The following PPP2R2C variants were observed in gnomAD, a reference collection of about 807,000 sequenced individuals.
PPP2R2C encodes the protein protein phosphatase 2 regulatory subunit Bgamma, also known as protein phosphatase 2, regulatory subunit B, gamma.
Under a neutral mutation model 45.3 loss-of-function variants are expected in PPP2R2C, and 10 were observed. That is an observed-to-expected ratio of 0.22 (90% CI 0.14 to 0.37). The LOEUF (loss-of-function observed/expected upper bound fraction) is 0.37, where lower values mean the gene tolerates loss of function less well. PPP2R2C is among the 10% of genes least tolerant of loss of function. The probability of loss-of-function intolerance (pLI) is 1.00; values close to 1 mark genes in which losing one functional copy is unlikely to be tolerated. For missense variants in PPP2R2C, 308 were observed against 619.7 expected, an observed-to-expected ratio of 0.50 and a Z score of 5.34; for synonymous variants, 257 against 245.4, an observed-to-expected ratio of 1.05 and a Z score of -0.44.
chr4:6,361,684 A>G (rs1412741122), intron 5 of PPP2R2C, among the ~76,000 whole-genome samples: 2 of 152,210 alleles, frequency 1.3e-5, no homozygotes, highest in African/African-American at 4.8e-5. Flanking sequence ...ACCCCCTGGG[A>G]GGACTAGGAG....
At chr4:6,420,139 C>G (rs1372185501) in intron 1 of PPP2R2C, among the ~76,000 whole-genome samples, 1 of 152,130 alleles carries the variant, frequency 6.6e-6, no homozygotes, top group Non-Finnish European at 1.5e-5. Context: ...GTGTATGTCT[C>G]TCTCAGTCAC....
chr4:6,421,127 G>A, intron 1 of PPP2R2C: 1 of 985,208 alleles, frequency 1.0e-6, no homozygotes. Context: ...ATGCAGGTAT[G>A]AGCCCTAGGC....
In PPP2R2C at chr4:6,329,658, A is replaced by G. The variant is rs893259904; in HGVS notation, c.961-305T>C. 6.8e-6 allele frequency among the ~76,000 whole-genome samples: 1 copy of G among 147,096 alleles called. No homozygotes were observed. The highest frequency in any genetic ancestry group is 1.5e-5 in the Non-Finnish European group (1 of 67,834). On this transcript the variant is annotated intron_variant, in intron 7 of 8. Coordinates refer to ENST00000382599, the MANE Select transcript of PPP2R2C (RefSeq NM_020416.4). This position sits in a 1 kb window ranked among gnomAD's most constrained non-coding sequence, Gnocchi z 5.8. ...CTGACCTCCACCGTGACACAGCCCA[A>G]TACAGCCCTGCTCATCTTATCGGGG...
chr4:6,554,943 GAA>G (rs1553909478), intron 1 of PPP2R2C, among the ~76,000 whole-genome samples: 23 of 114,504 alleles, frequency 2.0e-4, no homozygotes, highest in African/African-American at 6.5e-4. Flanking sequence ...AAGAAAGAAA[GAA>G]AGAAAGAAAG....
At chr4:6,426,272 C>A (rs142943146) in intron 1 of PPP2R2C, among the ~76,000 whole-genome samples, 2 of 152,168 alleles carry the variant, frequency 1.3e-5, no homozygotes, top group Non-Finnish European at 2.9e-5. Context: ...GGGAGGCGGT[C>A]GGAGACGGCC....
chr4:6,407,004 G>A (rs868559268), intron 1 of PPP2R2C, among the ~76,000 whole-genome samples: 3 of 152,200 alleles, frequency 2.0e-5, no homozygotes, highest in Middle Eastern at 6.8e-3. Flanking sequence ...TGTAAAAACC[G>A]AAGCAGAACT....
At chr4:6,381,494 T>A in intron 1 of PPP2R2C, 1 of 1,374,678 alleles carries the variant, frequency 7.3e-7, no homozygotes, top group Non-Finnish European at 9.4e-7. Context: ...GCAACCTGGG[T>A]CAGGGAAGCC....
At chr4:6,326,807 C>T (rs1173260028) in intron 8 of PPP2R2C, among the ~76,000 whole-genome samples, 1 of 152,206 alleles carries the variant, frequency 6.6e-6, no homozygotes, top group Non-Finnish European at 1.5e-5. Context: ...TCTGCCGGTG[C>T]TAGGAAGCCC....
intron 1 of PPP2R2C, among the ~76,000 whole-genome samples, chr4:6,539,852 T>A (rs1227783536): frequency 6.6e-6 from 1 of 151,966 alleles, no homozygotes; most frequent in Non-Finnish European, 1.5e-5. Context: ...AGAAACTAGA[T>A]CTCCCCAAGC....
At position 6,328,636 on chromosome 4, in the gene PPP2R2C, C is replaced by A. The variant is rs1186877367; in HGVS notation, c.1052+626G>T. On this transcript the variant is annotated intron_variant, in intron 8 of 8. Transcript: ENST00000382599. The surrounding 1 kb of genome is among the most constrained non-coding windows in gnomAD (Gnocchi z 4.4). ...CCCCCTTGTCCATGCCCGCCCTGGGCTGAGCCCAGGCTAGGGAGACACAGG... is the reference window on the plus strand; with the variant it reads ...CCCCCTTGTCCATGCCCGCCCTGGGATGAGCCCAGGCTAGGGAGACACAGG... Among the ~76,000 whole-genome samples the A allele has an allele frequency of 6.6e-6, 1 of 152,214 alleles. No homozygotes were observed. Among genetic ancestry groups the A allele is most frequent in the African/African-American group, 2.4e-5 (1 of 41,476 alleles).
At chr4:6,525,310 C>A (rs999830070) in intron 2 of PPP2R2C, among the ~76,000 whole-genome samples, 1 of 152,080 alleles carries the variant, frequency 6.6e-6, no homozygotes, top group Non-Finnish European at 1.5e-5. Context: ...GAGGCTGAGG[C>A]AGGAGAATCT....
In PPP2R2C at chr4:6,387,710, G is replaced by T. The variant is rs368326206; in HGVS notation, c.71-6616C>A. Among the ~76,000 whole-genome samples the T allele has an allele frequency of 5.9e-5, 9 of 152,126 alleles. No homozygotes were observed. In the East Asian group the frequency reaches 9.7e-4, roughly 16 times the overall value. On this transcript the variant is annotated intron_variant, in intron 1 of 8. Transcript: ENST00000382599. ...CGCCTGTAATCCCAGCTATCTGGGA[G>T]GCTGAGGCAGGAGAATTGCTTGAAC...
chr4:6,327,793 C>T (rs558774117), intron 8 of PPP2R2C, among the ~76,000 whole-genome samples: 1 of 152,284 alleles, frequency 6.6e-6, no homozygotes, highest in Admixed American at 6.5e-5. Context: ...CCTGTGATCA[C>T]CATGCCAGCC....
intron 2 of PPP2R2C, among the ~76,000 whole-genome samples, chr4:6,490,948 G>C (rs1311939936): frequency 6.6e-6 from 1 of 152,202 alleles, no homozygotes; most frequent in African/African-American, 2.4e-5. Context: ...CACATGAGCA[G>C]TGGATAAGAC....
At chr4:6,407,781 G>A (rs1048194774) in intron 1 of PPP2R2C, among the ~76,000 whole-genome samples, 2 of 152,146 alleles carry the variant, frequency 1.3e-5, no homozygotes, top group African/African-American at 2.4e-5. Flanking sequence ...TGAGGAAAAT[G>A]GATTCAAAAA....
intron 4 of PPP2R2C, among the ~76,000 whole-genome samples, chr4:6,374,722 G>A (rs1322836788): frequency 6.6e-6 from 1 of 152,174 alleles, no homozygotes; most frequent in Admixed American, 6.5e-5. Context: ...CTTGGGGGCT[G>A]GGGACACTTT....
intron 1 of PPP2R2C, among the ~76,000 whole-genome samples, chr4:6,550,676 C>T (rs997656934): frequency 2.0e-5 from 3 of 152,268 alleles, no homozygotes; most frequent in East Asian, 3.9e-4. Context: ...CTTGTTTGTT[C>T]CCCAGGCTGG....
chr4:6,509,475 C>CAAA (rs71646649), intron 2 of PPP2R2C, among the ~76,000 whole-genome samples: 2 of 148,332 alleles, frequency 1.3e-5, no homozygotes, highest in African/African-American at 4.9e-5. Flanking sequence ...GAGCCTCTGG[C>CAAA]AAAAAAAAAA....
upstream of PPP2R2C, among the ~76,000 whole-genome samples, chr4:6,474,570 C>T (rs2108773771): frequency 6.6e-6 from 1 of 152,292 alleles, no homozygotes; most frequent in South Asian, 2.1e-4. Context: ...CCCGGGATGT[C>T]CTGGACTACA....
Sources: gnomAD v4.1 joint callset for allele counts (sites outside exome capture counted in the v4.1 genomes callset) on GRCh38, gnomAD v4.1.1 for gene constraint, Gnocchi (gnomAD v3.1) non-coding constraint, MANE v1.5 for transcripts, NCBI Gene and HGNC (gene_info 2026-07-23, HGNC 2026-07-21) for gene names.